Variants in BAZ1B observed in about 807,000 individuals in gnomAD.
The protein encoded by BAZ1B is tyrosine-protein kinase BAZ1B.
In BAZ1B, 22 loss-of-function variants were observed where a neutral mutation model predicts 153.8. The observed-to-expected ratio is 0.14, with a 90% CI of 0.10 to 0.20. The LOEUF (loss-of-function observed/expected upper bound fraction) is 0.20, where lower values mean the gene tolerates loss of function less well. Ranked by LOEUF, BAZ1B falls within the 10% of genes least tolerant of loss-of-function variation. BAZ1B has a pLI of 1.00. For synonymous variants in BAZ1B, 676 were observed against 633.4 expected (o/e 1.07, Z -1.01); for missense variants, 1,325 against 1,799.3 (o/e 0.74, Z 4.77).
intron 3 of BAZ1B, among the ~76,000 whole-genome samples, chr7:73,500,783 C>A (rs1554577016): frequency 6.6e-6 from 1 of 151,288 alleles, no homozygotes; most frequent in Non-Finnish European, 1.5e-5. Flanking sequence ...CCCAGCTATT[C>A]AGGCAGCTGA....
chr7:73,447,304 CTCT>C lies in BAZ1B; in HGVS notation c.3801_3803del (p.Glu1273del), dbSNP rs781948125. 40 of 1,606,502 alleles carry C rather than the reference CTCT, an allele frequency of 2.5e-5. No homozygotes were observed. Among genetic ancestry groups the C allele is most frequent in the African/African-American group, 1.1e-4 (8 of 74,824 alleles). On this transcript the variant is annotated inframe_deletion, in exon 16 of 20. Transcript: ENST00000339594. The stretch of plus-strand genomic sequence containing the variant: ...CCTCATAATCTTCTTCCTCCTCCTC[CTCT>C]TCTTCCTCCTCCTCCTCTTCATCAC...
At chr7:73,493,622 C>T (rs1156862979) in intron 4 of BAZ1B, among the ~76,000 whole-genome samples, 1 of 151,968 alleles carries the variant, frequency 6.6e-6, no homozygotes, top group Non-Finnish European at 1.5e-5. Flanking sequence ...AGGCAGATCC[C>T]CTGAGTCCAG....
intron 12 of BAZ1B, among the ~76,000 whole-genome samples, chr7:73,460,759 A>G: frequency 6.6e-6 from 1 of 152,144 alleles, no homozygotes; most frequent in East Asian, 1.9e-4. Flanking sequence ...TTTAAGCTTC[A>G]CATCTACCTG....
chr7:73,486,237 C>T (rs1554574461), intron 6 of BAZ1B, among the ~76,000 whole-genome samples: 1 of 152,204 alleles, frequency 6.6e-6, no homozygotes, highest in Non-Finnish European at 1.5e-5. Context: ...ATATTAGGTA[C>T]TCAGGTAACA....
chr7:73,512,224 C>G (rs1358624584), intron 1 of BAZ1B, among the ~76,000 whole-genome samples: 2 of 151,548 alleles, frequency 1.3e-5, no homozygotes, highest in Non-Finnish European at 2.9e-5. Flanking sequence ...GTCCAACCTG[C>G]GGCCCAGGAC....
intron 1 of BAZ1B, among the ~76,000 whole-genome samples, chr7:73,516,393 T>C (rs1554579280): frequency 6.6e-6 from 1 of 152,106 alleles, no homozygotes; most frequent in Non-Finnish European, 1.5e-5. Flanking sequence ...ATGGCTTACA[T>C]TATACTTTTG....
chr7:73,470,541 A>G, intron 7 of BAZ1B, 58 bp from the exon 8 acceptor site: 1 of 1,577,264 alleles, frequency 6.3e-7, no homozygotes, highest in Non-Finnish European at 8.6e-7. Context: ...CACTCTTACA[A>G]ATTAAATAAA....
intron 13 of BAZ1B, among the ~76,000 whole-genome samples, chr7:73,456,937 C>CAAAAAAAAAAAAAAAA (rs71071937): frequency 5.1e-5 from 2 of 39,550 alleles, no homozygotes; most frequent in African/African-American, 9.0e-5. Flanking sequence ...GACTCTGTCT[C>CAAAAAAAAAAAAAAAA]AAAAAAAAAA....
At chr7:73,449,000 G>A (rs1469434738) in intron 15 of BAZ1B, among the ~76,000 whole-genome samples, 1 of 152,200 alleles carries the variant, frequency 6.6e-6, no homozygotes, top group Non-Finnish European at 1.5e-5. Flanking sequence ...GACAGATGTA[G>A]AAGGGACAAA....
chr7:73,490,717 T>C (rs1789604575), intron 5 of BAZ1B, among the ~76,000 whole-genome samples: 1 of 151,922 alleles, frequency 6.6e-6, no homozygotes, highest in African/African-American at 2.4e-5. Context: ...GCTATTCTCC[T>C]GCCTCAGCCT....
chr7:73,493,908 C>T (rs1281149096), intron 4 of BAZ1B, among the ~76,000 whole-genome samples: 1 of 149,126 alleles, frequency 6.7e-6, no homozygotes, highest in Non-Finnish European at 1.5e-5. Flanking sequence ...AGATTGCAAG[C>T]AATAAGGTGT....
chr7:73,452,060 A>T (rs1554568347), intron 13 of BAZ1B, among the ~76,000 whole-genome samples: 1 of 152,244 alleles, frequency 6.6e-6, no homozygotes. Context: ...TTTCCTATGA[A>T]TTATAAAATC....
intron 13 of BAZ1B, among the ~76,000 whole-genome samples, chr7:73,454,441 C>G (rs1201192065): frequency 6.6e-6 from 1 of 152,148 alleles, no homozygotes; most frequent in Non-Finnish European, 1.5e-5. Context: ...CTTTCTCCAC[C>G]CTGCTTACCT....
intron 3 of BAZ1B, among the ~76,000 whole-genome samples, chr7:73,505,471 C>T (rs1449422890): frequency 6.6e-6 from 1 of 152,160 alleles, no homozygotes; most frequent in African/African-American, 2.4e-5. Flanking sequence ...GCCAGTACTA[C>T]TAAAGTGTTG....
intron 9 of BAZ1B, 68 bp from the exon 10 acceptor site, chr7:73,466,469 T>C (rs1554571181): frequency 1.9e-6 from 2 of 1,061,824 alleles, no homozygotes; most frequent in East Asian, 2.4e-5. Context: ...ATCTAAGCAG[T>C]ACACAGTGCC....
At chr7:73,473,307 A>G (rs1788883092) in intron 7 of BAZ1B, among the ~76,000 whole-genome samples, 1 of 152,134 alleles carries the variant, frequency 6.6e-6, no homozygotes, top group Non-Finnish European at 1.5e-5. Flanking sequence ...AATCCCAGCA[A>G]TTTGGCAAGT....
chr7:73,461,302 A>G (rs1213110546), intron 12 of BAZ1B, among the ~76,000 whole-genome samples: 7 of 152,312 alleles, frequency 4.6e-5, no homozygotes, highest in South Asian at 2.1e-4. Flanking sequence ...TTAAAAGATC[A>G]ATTAATTTAA....
At chr7:73,509,892 C>CAAGGCG (rs1554578339) in intron 2 of BAZ1B, among the ~76,000 whole-genome samples, 3 of 151,386 alleles carry the variant, frequency 2.0e-5, no homozygotes, top group African/African-American at 2.4e-5. Flanking sequence ...TTTGGGAGGC[C>CAAGGCG]GAAATGAGCA....
At chr7:73,483,563 C>T (rs577052626) in intron 6 of BAZ1B, among the ~76,000 whole-genome samples, 1 of 151,994 alleles carries the variant, frequency 6.6e-6, no homozygotes, top group East Asian at 1.9e-4. Context: ...CATTTTTTTT[C>T]TTCTAGCAAC....
Sources: allele counts gnomAD v4.1 joint callset (sites outside exome capture counted in the v4.1 genomes callset), GRCh38; gene constraint gnomAD v4.1.1; transcripts MANE v1.5; gene names NCBI Gene and HGNC (gene_info 2026-07-23, HGNC 2026-07-21).